TLL1: variants seen among roughly 807,000 people sequenced by gnomAD.
The protein encoded by TLL1 is tolloid-like protein 1.
TLL1 carries 49 observed loss-of-function variants against 128.2 expected under a neutral mutation model. The observed-to-expected ratio is 0.38, with a 90% CI of 0.30 to 0.48. TLL1 has a LOEUF of 0.48. TLL1 is among the 20% of genes least tolerant of loss of function. TLL1 has a pLI of 0.96. For synonymous variants in TLL1, 454 were observed against 418.8 expected, an observed-to-expected ratio of 1.08 and a Z score of -1.03; for missense variants, 1,123 against 1,242.0, an observed-to-expected ratio of 0.90 and a Z score of 1.44.
At chr4:166,014,875 A>G (rs1220663523) in intron 8 of TLL1, among the ~76,000 whole-genome samples, 4 of 152,074 alleles carry the variant, frequency 2.6e-5, no homozygotes, top group Admixed American at 2.6e-4. Context: ...ATGATTTCAT[A>G]GTCAAATGCT....
At chr4:166,002,107 G>A (rs1737192357) in intron 5 of TLL1, among the ~76,000 whole-genome samples, 1 of 152,120 alleles carries the variant, frequency 6.6e-6, no homozygotes, top group Non-Finnish European at 1.5e-5. Context: ...TCACAGTTCT[G>A]GAGACGCGGC....
At chr4:165,894,161 A>C (rs528049044) in intron 1 of TLL1, among the ~76,000 whole-genome samples, 1 of 152,124 alleles carries the variant, frequency 6.6e-6, no homozygotes, top group Non-Finnish European at 1.5e-5. Flanking sequence ...AATGGCCAAA[A>C]ATTCCTAAAT....
chr4:165,994,418 T>G lies in TLL1; in HGVS notation c.399T>G (p.Pro133=). 6.2e-7 allele frequency: 1 copy of G among 1,613,996 alleles called. No individual in the cohort carries two copies. The highest frequency in any genetic ancestry group is 8.5e-7 in the Non-Finnish European group (1 of 1,179,924). The change falls in exon 4 of 21, where the codon CCT becomes CCG. Residue 133 remains proline (P), a synonymous_variant. Coordinates refer to ENST00000061240, the MANE Select transcript of TLL1 (RefSeq NM_012464.5). ...ACAACACAGTTAAGGGAAAAGTACC[T>G]CTACAATTCTCAGGGCAAAATGAGA... ...EQNNTVKGKV[P]LQFSGQNEKN... is the part of the protein sequence containing the mutation.
chr4:166,001,289 C>T (rs1207702889), intron 5 of TLL1, among the ~76,000 whole-genome samples: 1 of 152,036 alleles, frequency 6.6e-6, no homozygotes, highest in Non-Finnish European at 1.5e-5. Context: ...AATTTAAACT[C>T]TAATTATTAA....
intron 1 of TLL1, among the ~76,000 whole-genome samples, chr4:165,952,079 C>T (rs1734551810): frequency 6.6e-6 from 1 of 152,088 alleles, no homozygotes; most frequent in African/African-American, 2.4e-5. Context: ...TTCAAAATTA[C>T]AAATAGTACT....
At chr4:165,920,471 TAA>T (rs1404416558) in intron 1 of TLL1, among the ~76,000 whole-genome samples, 1 of 152,248 alleles carries the variant, frequency 6.6e-6, no homozygotes, top group Non-Finnish European at 1.5e-5. Context: ...AACAGTTCAG[TAA>T]ATTGTATCAG....
chr4:165,992,382 A>G (rs1294094795), intron 2 of TLL1, among the ~76,000 whole-genome samples: 3 of 152,036 alleles, frequency 2.0e-5, no homozygotes, highest in Non-Finnish European at 4.4e-5. Context: ...TTGCTCTTCT[A>G]ATGTTTTTAT....
In TLL1 at chr4:165,918,185, C is replaced by T. The variant is rs537582508; in HGVS notation, c.169+44112C>T. Reference sequence around the variant, plus strand: ...AAGGTTATATTTATTACAGTTCAATCGTTGTGTAATTTTTTTTGGTCCATC... The same window carrying T: ...AAGGTTATATTTATTACAGTTCAATTGTTGTGTAATTTTTTTTGGTCCATC... On this transcript the variant is annotated intron_variant, in intron 1 of 20. Coordinates refer to ENST00000061240, the MANE Select transcript of TLL1 (RefSeq NM_012464.5). Among the ~76,000 whole-genome samples the T allele has an allele frequency of 2.6e-5, 4 of 152,142 alleles. No individual in the cohort carries two copies. In the South Asian group the frequency reaches 6.2e-4, roughly 24 times the overall value.
intron 1 of TLL1, among the ~76,000 whole-genome samples, chr4:165,955,405 A>G (rs917409548): frequency 1.3e-5 from 2 of 152,052 alleles, no homozygotes; most frequent in Non-Finnish European, 2.9e-5. Context: ...TAGTCTCACT[A>G]GAGAGGGCAA....
chr4:165,924,684 A>G (rs1343358239), intron 1 of TLL1, among the ~76,000 whole-genome samples: 5 of 152,226 alleles, frequency 3.3e-5, no homozygotes, highest in Non-Finnish European at 5.9e-5. Flanking sequence ...ACTAAGCAAC[A>G]TATTTTCAAT....
intron 1 of TLL1, among the ~76,000 whole-genome samples, chr4:165,946,608 C>G (rs908599329): frequency 6.6e-6 from 1 of 150,752 alleles, no homozygotes; most frequent in African/African-American, 2.4e-5. Flanking sequence ...CCAAAGTGCT[C>G]GAATTATAGG....
intron 8 of TLL1, among the ~76,000 whole-genome samples, chr4:166,024,262 G>A (rs181951038): frequency 6.6e-6 from 1 of 152,044 alleles, no homozygotes; most frequent in African/African-American, 2.4e-5. Flanking sequence ...TCTATGCTTT[G>A]TTTTCATATT....
intron 1 of TLL1, among the ~76,000 whole-genome samples, chr4:165,965,655 C>A (rs530153739): frequency 6.6e-6 from 1 of 152,284 alleles, no homozygotes; most frequent in East Asian, 1.9e-4. Context: ...ACCTTCATGT[C>A]AGCATAGATA....
In TLL1 at chr4:166,057,290, A is replaced by C; in HGVS notation, c.1827A>C (p.Pro609=). 1 of 1,613,902 alleles carries C rather than the reference A, an allele frequency of 6.2e-7. No homozygotes were observed. Among genetic ancestry groups the C allele is most frequent in the East Asian group, 2.2e-5 (1 of 44,810 alleles). ...CACEPGYELG[P]DRRSCEAACG... is the part of the protein sequence containing the mutation. ...GTGAGCCTGGCTATGAGCTGGGCCC[A>C]GACAGAAGGAGCTGTGAAGGTATGA... is the stretch of plus-strand genomic sequence containing the variant. The change falls in exon 14 of 21, where the codon CCA becomes CCC. Residue 609 remains proline, a synonymous_variant. Coordinates refer to ENST00000061240, the MANE Select transcript of TLL1 (RefSeq NM_012464.5).
chr4:166,061,411 T>C (rs960465207), intron 15 of TLL1, among the ~76,000 whole-genome samples: 3 of 151,918 alleles, frequency 2.0e-5, no homozygotes, highest in Admixed American at 6.6e-5. Context: ...CACACCCAGC[T>C]AATTTTTGCA....
At chr4:165,891,175 A>AT (rs1731385786) in intron 1 of TLL1, among the ~76,000 whole-genome samples, 1 of 151,880 alleles carries the variant, frequency 6.6e-6, no homozygotes, top group Admixed American at 6.6e-5. Context: ...CTGTGAAACC[A>AT]TTTTTTCCTC....
chr4:166,082,686 TG>T (rs1741339330), intron 18 of TLL1, among the ~76,000 whole-genome samples: 1 of 151,940 alleles, frequency 6.6e-6, no homozygotes, highest in African/African-American at 2.4e-5. Flanking sequence ...TTGTTTCGTT[TG>T]TTTTTTTGGA....
At chr4:166,090,678 G>T (rs992791606) in intron 18 of TLL1, among the ~76,000 whole-genome samples, 34 of 151,954 alleles carry the variant, frequency 2.2e-4, no homozygotes, top group African/African-American at 8.0e-4. Flanking sequence ...TTTAAGTTTT[G>T]TAAAAATATA....
intron 1 of TLL1, among the ~76,000 whole-genome samples, chr4:165,958,223 C>G (rs1190976093): frequency 0.011 from 1,622 of 143,122 alleles, 30 homozygotes; most frequent in African/African-American, 0.042. Context: ...TGGGTATATA[C>G]CCAGTAATGG....
Sources: allele counts gnomAD v4.1 joint callset (sites outside exome capture counted in the v4.1 genomes callset), GRCh38; gene constraint gnomAD v4.1.1; transcripts MANE v1.5; gene names NCBI Gene and HGNC (gene_info 2026-07-23, HGNC 2026-07-21).